RSBN1: variants seen among roughly 807,000 people sequenced by gnomAD.
The protein encoded by RSBN1 is lysine-specific demethylase 9.
A neutral mutation model predicts 74.8 loss-of-function variants in RSBN1; 23 were observed. The ratio of observed to expected loss-of-function variants is 0.31; its 90% CI spans 0.22 to 0.44. The LOEUF is 0.44. RSBN1 is among the 20% of genes least tolerant of loss of function. RSBN1 has a pLI of 1.00. For missense variants in RSBN1, 808 were observed against 1,020.9 expected (o/e 0.79, Z 2.84); for synonymous variants, 407 against 379.6 (o/e 1.07, Z -0.84).
At chr1:113,803,491 G>A (rs1660632606) in intron 1 of RSBN1, among the ~76,000 whole-genome samples, 1 of 152,160 alleles carries the variant, frequency 6.6e-6, no homozygotes, top group Admixed American at 6.5e-5. Flanking sequence ...CTTTTTGCAA[G>A]TTAATTCTTT....
intron 2 of RSBN1, among the ~76,000 whole-genome samples, chr1:113,783,513 G>A (rs965595121): frequency 2.0e-5 from 3 of 151,926 alleles, no homozygotes; most frequent in Admixed American, 6.6e-5. Flanking sequence ...ACCAACTGTA[G>A]GAAACTAATG....
At chr1:113,775,162 T>A (rs894389088) in intron 4 of RSBN1, among the ~76,000 whole-genome samples, 5 of 151,754 alleles carry the variant, frequency 3.3e-5, no homozygotes, top group Non-Finnish European at 7.4e-5. Context: ...GTAGCTGGGA[T>A]AACAGGCGGC....
In RSBN1 at chr1:113,777,355, AG is replaced by A. The variant is rs753957131; in HGVS notation, c.1516-4del. 1 of 1,605,692 alleles carries A rather than the reference AG, an allele frequency of 6.2e-7. No individual in the cohort carries two copies. Among genetic ancestry groups the A allele is most frequent in the South Asian group, 1.1e-5 (1 of 89,096 alleles). ...AGTGTACCCCAGGGCAAAGTCATCT[AG>A]AAATCAGACGGATTAGTCACATTAA... On this transcript the variant is annotated splice_region_variant and splice_polypyrimidine_tract_variant and intron_variant, in intron 3 of 6. Transcript: ENST00000261441.
chr1:113,780,482 G>A (rs1001085214), intron 2 of RSBN1, among the ~76,000 whole-genome samples: 4 of 152,128 alleles, frequency 2.6e-5, no homozygotes, highest in African/African-American at 9.7e-5. Context: ...CATGTGACAT[G>A]AATAAATATG....
intron 5 of RSBN1, 171 bp downstream of exon 5, chr1:113,768,051 A>G (rs1241806892): frequency 2.0e-6 from 1 of 492,580 alleles, no homozygotes; most frequent in African/African-American, 2.0e-5. Context: ...CTGTTTCGTA[A>G]CAATGTAAAG....
chr1:113,811,630 C>A (rs1309459324), intron 1 of RSBN1, 80 bp downstream of exon 1: 1 of 1,494,136 alleles, frequency 6.7e-7, no homozygotes, highest in Non-Finnish European at 8.9e-7. Flanking sequence ...AGGGGTTTGG[C>A]GTCTTTCAGT....
intron 2 of RSBN1, among the ~76,000 whole-genome samples, chr1:113,780,458 C>G (rs754819301): frequency 2.6e-5 from 4 of 152,162 alleles, no homozygotes; most frequent in Non-Finnish European, 5.9e-5. Context: ...AAGGTAAACA[C>G]CTAGAATAAT....
intron 2 of RSBN1, among the ~76,000 whole-genome samples, chr1:113,786,964 G>A (rs747119714): frequency 2.1e-4 from 32 of 152,104 alleles, no homozygotes; most frequent in East Asian, 5.8e-4. Context: ...CTCCTCCATC[G>A]TTACTTTTTC....
Position 113,775,804 on chromosome 1 carries a change from T to C in RSBN1, c.1658+1406A>G, listed in dbSNP as rs145221544. 3.2e-3 allele frequency among the ~76,000 whole-genome samples: 492 copies of C among 152,334 alleles called. 1 individual carries two copies. The highest frequency in any genetic ancestry group is 5.5e-3 in the Non-Finnish European group (371 of 68,028). ...TCCTGCAACAAAAACTGCTATAATC[T>C]AGCAATGTGCAGAACTTTCAAATGA... On this transcript the variant is annotated intron_variant, in intron 4 of 6. Transcript: ENST00000261441.
At chr1:113,767,643 T>C (rs1181094971) in intron 5 of RSBN1, among the ~76,000 whole-genome samples, 2 of 152,178 alleles carry the variant, frequency 1.3e-5, no homozygotes, top group Non-Finnish European at 2.9e-5. Flanking sequence ...AATAATTGAA[T>C]GCAGGGACAT....
At position 113,812,111 on chromosome 1, in the gene RSBN1, C is replaced by T. The variant is rs756413899; in HGVS notation, c.302G>A (p.Gly101Glu). The T allele has an allele frequency of 1.2e-6, 2 of 1,601,480 alleles. No homozygotes were observed. The highest frequency in any genetic ancestry group is 1.7e-6 in the Non-Finnish European group (2 of 1,174,664). ...GAGAGGGGGCTCCTGGCTCGGCCGC[C>T]CCCGCTTCTCCTGAGACCCCCCACT... ...SSSGGSQEKR[G>E]RPSQEPPLAP... The change falls in exon 1 of 7, where the codon GGG (glycine) becomes GAG (glutamate). Residue 101 changes from glycine (G) to glutamate (E), a missense_variant. Gly to Glu is a moderately conservative substitution (Grantham distance 98). Coordinates refer to ENST00000261441, the MANE Select transcript of RSBN1 (RefSeq NM_018364.5).
At chr1:113,770,980 A>T (rs1436272140) in intron 4 of RSBN1, among the ~76,000 whole-genome samples, 1 of 152,158 alleles carries the variant, frequency 6.6e-6, no homozygotes, top group Non-Finnish European at 1.5e-5. Flanking sequence ...AGTAAGAAAA[A>T]TTATCAGAAA....
At chr1:113,767,455 T>G (rs75295864) in intron 5 of RSBN1, among the ~76,000 whole-genome samples, 2,422 of 152,316 alleles carry the variant, frequency 0.016, 28 homozygotes, top group Non-Finnish European at 0.022. Flanking sequence ...TCTAAACTAG[T>G]TGCATTTGCA....
intron 5 of RSBN1, chr1:113,767,822 C>T (rs923585857): frequency 1.3e-5 from 2 of 159,338 alleles, no homozygotes; most frequent in African/African-American, 4.8e-5. Context: ...ACCCTTGCTA[C>T]AACACGGATG....
At chr1:113,792,468 C>A (rs1660386127) in intron 2 of RSBN1, among the ~76,000 whole-genome samples, 2 of 152,044 alleles carry the variant, frequency 1.3e-5, no homozygotes, top group African/African-American at 4.8e-5. Context: ...GCTAGGAGGC[C>A]AAAGCAGGAG....
At chr1:113,777,847 C>T (rs1660061107) in intron 2 of RSBN1, 39 bp from the exon 3 acceptor site, 1 of 1,505,542 alleles carries the variant, frequency 6.6e-7, no homozygotes, top group Middle Eastern at 1.8e-4. Flanking sequence ...GACTGAGGTA[C>T]AACTATAATA....
chr1:113,794,277 C>T (rs1285108112), intron 2 of RSBN1, among the ~76,000 whole-genome samples: 1 of 152,154 alleles, frequency 6.6e-6, no homozygotes, highest in Non-Finnish European at 1.5e-5. Flanking sequence ...GGTATTCTTG[C>T]TTCCAATCTC....
At chr1:113,783,429 C>A (rs1660175084) in intron 2 of RSBN1, among the ~76,000 whole-genome samples, 1 of 150,892 alleles carries the variant, frequency 6.6e-6, no homozygotes, top group Non-Finnish European at 1.5e-5. Context: ...TCAACATGCA[C>A]CAACTTTCAA....
chr1:113,783,360 T>G (rs531618262), intron 2 of RSBN1, among the ~76,000 whole-genome samples: 1 of 152,142 alleles, frequency 6.6e-6, no homozygotes, highest in Admixed American at 6.6e-5. Context: ...AATGCAAATG[T>G]TTGTGATACA....
Sources: gnomAD v4.1 joint callset for allele counts (sites outside exome capture counted in the v4.1 genomes callset) on GRCh38, gnomAD v4.1.1 for gene constraint, MANE v1.5 for transcripts, NCBI Gene and HGNC (gene_info 2026-07-23, HGNC 2026-07-21) for gene names.